The following TUT4 variants were observed in gnomAD, a reference collection of about 807,000 sequenced individuals.
TUT4 encodes terminal uridylyl transferase 4.
A neutral mutation model predicts 192.2 loss-of-function variants in TUT4; 36 were observed. The ratio of observed to expected loss-of-function variants is 0.19; its 90% CI spans 0.14 to 0.25. The LOEUF (loss-of-function observed/expected upper bound fraction) is 0.25. Among genes scored for constraint, TUT4 ranks in the 10% least tolerant of loss-of-function variants. TUT4 has a pLI of 1.00. For missense variants in TUT4, 1,493 were observed against 1,957.2 expected, an observed-to-expected ratio of 0.76 and a Z score of 4.47; for synonymous variants, 618 against 666.0, an observed-to-expected ratio of 0.93 and a Z score of 1.11.
intron 9 of TUT4, among the ~76,000 whole-genome samples, chr1:52,485,404 C>T (rs1669538358): frequency 6.6e-6 from 1 of 152,056 alleles, no homozygotes; most frequent in African/African-American, 2.4e-5. Context: ...ATATCATTCG[C>T]ACAAAGAGAT....
At chr1:52,511,110 T>C (rs1317051477) in intron 3 of TUT4, among the ~76,000 whole-genome samples, 3 of 152,226 alleles carry the variant, frequency 2.0e-5, no homozygotes, top group Non-Finnish European at 4.4e-5. Context: ...GCAACAATCC[T>C]GCTACAGACT....
rs1398604775 is a variant in TUT4 at position 52,499,992 on chromosome 1, C to T, written c.1000-2809G>A. Among the ~76,000 whole-genome samples, 3 of 151,390 alleles carry T rather than the reference C, an allele frequency of 2.0e-5. No individual in the cohort carries two copies. In the East Asian group the frequency reaches 5.8e-4, roughly 29 times the overall value. ...TATAAGCTGGGTGTGGTGGTGCATG[C>T]CTGTCTGTAATCCCAGCTACTTGGG... is the stretch of plus-strand genomic sequence containing the variant. On this transcript the variant is annotated intron_variant, in intron 4 of 29. Coordinates refer to ENST00000257177, the MANE Select transcript of TUT4 (RefSeq NM_001009881.3).
At chr1:52,507,344 C>T (rs547593705) in intron 4 of TUT4, among the ~76,000 whole-genome samples, 3 of 152,306 alleles carry the variant, frequency 2.0e-5, no homozygotes, top group South Asian at 4.1e-4. Flanking sequence ...CTGTGAGAGT[C>T]CACTGGGTTC....
rs1173191977 is a variant in TUT4, at chr1:52,446,442, T to C, written c.3514A>G (p.Lys1172Glu). 1.3e-6 allele frequency: 2 copies of C among 1,571,996 alleles called. No homozygotes were observed. Among genetic ancestry groups the C allele is most frequent in the South Asian group, 2.4e-5 (2 of 84,196 alleles). The change falls in exon 22 of 30, where the codon AAA (lysine) becomes GAA (glutamate). Residue 1172 changes from lysine to glutamate, a missense_variant and splice_region_variant. Physicochemically the swap from Lys to Glu is moderately conservative, Grantham distance 56. Around this residue, in one of 7 missense-constraint regions of TUT4, gnomAD observed 141 missense variants for 382.7 expected, o/e 0.37. Transcript: ENST00000257177. The stretch of plus-strand genomic sequence containing the variant: ...TTTCCAAGTGAAGGTAAACGCTTTT[T>C]CTACATATAAAAAAAAAAAGAAAAG... The part of the protein sequence containing the change: ...AFFFDKTEEL[K>E]KRLPSLGKNT...
intron 4 of TUT4, 146 bp downstream of exon 4, chr1:52,509,450 A>C (rs1676508401): frequency 1.7e-6 from 1 of 600,056 alleles, no homozygotes; most frequent in African/African-American, 1.9e-5. Flanking sequence ...CAGATAAGGA[A>C]GGCAACAATT....
rs185866460 is a variant in TUT4 at position 52,516,496 on chromosome 1, C to A, written c.719-442G>T. On this transcript the variant is annotated intron_variant, in intron 2 of 29. Coordinates refer to ENST00000257177, the MANE Select transcript of TUT4 (RefSeq NM_001009881.3). ...CTCCAGACCACAAACCCACACAAGGCTCCTTCTTCTTTCCTTCCACAGAAC... is the reference window on the plus strand; with the variant it reads ...CTCCAGACCACAAACCCACACAAGGATCCTTCTTCTTTCCTTCCACAGAAC... Among the ~76,000 whole-genome samples, 8 of 152,280 alleles carry A rather than the reference C, an allele frequency of 5.3e-5. No individual in the cohort carries two copies. In the East Asian group the frequency reaches 1.5e-3, roughly 29 times the overall value.
rs763589768 is a variant in TUT4 at position 52,509,640 on chromosome 1, C to T, written c.955G>A (p.Ala319Thr). ...CLIHIENIQG[A>T]HKHIKEKRHK... ...CGTTTCTCCTTTATATGTTTATGAG[C>T]CCCCTGGATATTTTCAATGTGAATT... The change falls in exon 4 of 30, where the codon GCT (alanine) becomes ACT (threonine). Residue 319 changes from alanine to threonine, a missense_variant. This residue lies in a region of TUT4 where 437 missense variants were observed against 577.6 expected (regional missense o/e 0.76). Transcript: ENST00000257177. 6 of 1,609,526 alleles carry T rather than the reference C, an allele frequency of 3.7e-6. No homozygotes were observed. Among genetic ancestry groups the T allele is most frequent in the East Asian group, 2.2e-5 (1 of 44,716 alleles).
At chr1:52,486,947 C>G (rs1477835273) in intron 9 of TUT4, among the ~76,000 whole-genome samples, 1 of 152,126 alleles carries the variant, frequency 6.6e-6, no homozygotes, top group Non-Finnish European at 1.5e-5. Context: ...TGGGAGAAAA[C>G]TGACATGACT....
chr1:52,462,871 A>G, intron 16 of TUT4: 1 of 985,330 alleles, frequency 1.0e-6, no homozygotes, highest in African/African-American at 1.7e-5. Flanking sequence ...AATTAACTGG[A>G]AATAGCTGAA....
chr1:52,502,362 C>T (rs1454112769), intron 4 of TUT4, among the ~76,000 whole-genome samples: 23 of 152,078 alleles, frequency 1.5e-4, no homozygotes, highest in Non-Finnish European at 2.9e-5. Context: ...ATCATTTTGT[C>T]CCCTATGTGT....
chr1:52,544,423 A>C (rs1255224960), intron 1 of TUT4, among the ~76,000 whole-genome samples: 1 of 152,236 alleles, frequency 6.6e-6, no homozygotes, highest in Admixed American at 6.5e-5. Flanking sequence ...AGGATGACAA[A>C]GCCATTCAAT....
intron 24 of TUT4, among the ~76,000 whole-genome samples, chr1:52,440,242 T>C (rs891031635): frequency 1.3e-5 from 2 of 152,094 alleles, no homozygotes; most frequent in Non-Finnish European, 2.9e-5. Context: ...ACCACTGAAT[T>C]GCACAGTGAA....
At chr1:52,483,532 C>T (rs919969498) in intron 9 of TUT4, among the ~76,000 whole-genome samples, 1 of 152,136 alleles carries the variant, frequency 6.6e-6, no homozygotes, top group Admixed American at 6.5e-5. Flanking sequence ...TTTTTTAGGC[C>T]GGGCACACTG....
intron 1 of TUT4, among the ~76,000 whole-genome samples, chr1:52,533,483 T>A (rs79189153): frequency 0.02 from 3,083 of 152,294 alleles, 97 homozygotes; most frequent in African/African-American, 0.067. Context: ...TGTTCTCTCC[T>A]TGGATATCCC....
chr1:52,430,021 A>C (rs1038097007), intron 28 of TUT4, among the ~76,000 whole-genome samples: 24 of 152,060 alleles, frequency 1.6e-4, no homozygotes, highest in Non-Finnish European at 3.4e-4. Context: ...TTTCTTAAAT[A>C]TGCAGTTTTT....
intron 4 of TUT4, among the ~76,000 whole-genome samples, chr1:52,498,724 T>C (rs1036199648): frequency 6.0e-5 from 9 of 150,622 alleles, no homozygotes; most frequent in African/African-American, 1.7e-4. Context: ...CCGTCTCTAA[T>C]AGAAATACAA....
chr1:52,456,446 TAG>T, intron 20 of TUT4, among the ~76,000 whole-genome samples: 1 of 62,208 alleles, frequency 1.6e-5, no homozygotes, highest in African/African-American at 7.0e-5. Context: ...AAAGATAAAA[TAG>T]ATTTAGAGGT....
chr1:52,493,768 T>C (rs772698679), intron 6 of TUT4, 106 bp from the exon 7 acceptor site: 1 of 742,992 alleles, frequency 1.3e-6, no homozygotes, highest in Non-Finnish European at 2.2e-6. Flanking sequence ...AATATAATCA[T>C]GCTTTGTGTT....
chr1:52,552,967 T>C lies in TUT4; in HGVS notation c.-130A>G, dbSNP rs940406458. The C allele has an allele frequency of 1.9e-5, 3 of 154,358 alleles. No homozygotes were observed. The highest frequency in any genetic ancestry group is 1.7e-4 in the South Asian group (1 of 5,744). 9.6% of individuals were successfully genotyped at this position (154,358 alleles called of 1,614,324 possible). ...GCGAGCTACAGGCGCGCGCGACGCC[T>C]CCTCATCTCAGTGGCTCCTGCTCTC... On this transcript the variant is annotated 5_prime_UTR_variant, in exon 1 of 30. Transcript: ENST00000257177.
Sources: allele counts gnomAD v4.1 joint callset (sites outside exome capture counted in the v4.1 genomes callset), GRCh38; gene constraint gnomAD v4.1.1; regional missense constraint gnomAD v4.1.1; transcripts MANE v1.5; gene names NCBI Gene and HGNC (gene_info 2026-07-23, HGNC 2026-07-21).